GK5: variants seen among roughly 807,000 people sequenced by gnomAD.
The protein encoded by GK5 is ATP:glycerol 3-phosphotransferase 5.
GK5 carries 39 observed loss-of-function variants against 77.3 expected under a neutral mutation model. That is an observed-to-expected ratio of 0.50 (90% CI 0.39 to 0.66). The LOEUF (loss-of-function observed/expected upper bound fraction) is 0.66. Ranked by LOEUF, GK5 falls within the 30% of genes least tolerant of loss-of-function variation. GK5 has a pLI of 0.00. For missense variants in GK5, 487 were observed against 633.8 expected (o/e 0.77, Z 2.49); for synonymous variants, 211 against 208.0 (o/e 1.01, Z -0.13).
In GK5 at chr3:142,196,723, T is replaced by C. The variant is rs148429388; in HGVS notation, c.543+2079A>G. ...TTTAAATTTATTGAGGCTTGTAGTATGGCCTAGCCTATGATCTATCCTGGA... is the reference window on the plus strand; with the variant it reads ...TTTAAATTTATTGAGGCTTGTAGTACGGCCTAGCCTATGATCTATCCTGGA... On this transcript the variant is annotated intron_variant, in intron 5 of 15. Coordinates refer to ENST00000392993, the MANE Select transcript of GK5 (RefSeq NM_001039547.3). Among the ~76,000 whole-genome samples the C allele has an allele frequency of 6.5e-3, 993 of 152,312 alleles. 10 individuals carry two copies. Among genetic ancestry groups the C allele is most frequent in the African/African-American group, 0.023 (951 of 41,570 alleles).
At position 142,192,593 on chromosome 3, in the gene GK5, G is replaced by A. The variant is rs550441970; in HGVS notation, c.544-4814C>T. On this transcript the variant is annotated intron_variant, in intron 5 of 15. Transcript: ENST00000392993. ...AGCCTGGCCAACATGATGAAATCCC[G>A]TCTCTACTAAAAATACAAAAATTAA... Among the ~76,000 whole-genome samples the A allele has an allele frequency of 9.1e-4, 139 of 151,998 alleles. 1 individual carries two copies. Among genetic ancestry groups the A allele is most frequent in the Admixed American group, 7.9e-3 (121 of 15,224 alleles).
chr3:142,173,303 A>G, intron 12 of GK5: 1 of 346,830 alleles, frequency 2.9e-6, no homozygotes, highest in Non-Finnish European at 5.7e-6. Flanking sequence ...AAAGAGCCAA[A>G]ATGTTGAGCT....
At chr3:142,197,023 T>A (rs1261845256) in intron 5 of GK5, among the ~76,000 whole-genome samples, 1 of 151,872 alleles carries the variant, frequency 6.6e-6, no homozygotes, top group Non-Finnish European at 1.5e-5. Flanking sequence ...CCATCTCTAC[T>A]AAACATACAA....
chr3:142,201,749 T>G (rs956739652), intron 4 of GK5, among the ~76,000 whole-genome samples: 1 of 152,204 alleles, frequency 6.6e-6, no homozygotes, highest in Non-Finnish European at 1.5e-5. Flanking sequence ...TATACTATAG[T>G]TTTTCAAAAT....
intron 1 of GK5, among the ~76,000 whole-genome samples, chr3:142,223,268 T>C (rs1004627219): frequency 6.6e-6 from 1 of 152,216 alleles, no homozygotes; most frequent in African/African-American, 2.4e-5. Context: ...ATATTTCAAT[T>C]CCTTAAAAGA....
At chr3:142,186,746 T>G (rs572889503) in intron 6 of GK5, among the ~76,000 whole-genome samples, 1 of 151,216 alleles carries the variant, frequency 6.6e-6, no homozygotes, top group East Asian at 2.0e-4. Flanking sequence ...TTCTCCTGCC[T>G]CAGCCTCCCG....
At position 142,171,460 on chromosome 3, in the gene GK5, C is replaced by T. The variant is rs2063539109; in HGVS notation, c.1266G>A (p.Glu422=). 2 of 1,459,272 alleles carry T rather than the reference C, an allele frequency of 1.4e-6. No homozygotes were observed. Among genetic ancestry groups the T allele is most frequent in the African/African-American group, 2.8e-5 (2 of 70,396 alleles). The allele number at this position is 1,459,272 out of a possible 1,614,324, so 90.4% of individuals were successfully genotyped here. A position where few individuals can be genotyped will look rare whatever the true frequency, so the allele number is the denominator to read the frequency against. The change falls in exon 14 of 16, where the codon GAG becomes GAA. Residue 422 remains glutamate (E), a synonymous_variant. Transcript: ENST00000392993. Reference sequence around the variant, plus strand: ...GAATATGAATCTCTTTCTTCATCATCTCATATAACTGTTTGTTTCTAGTTA... The same window carrying T: ...GAATATGAATCTCTTTCTTCATCATTTCATATAACTGTTTGTTTCTAGTTA... ...SIAFRNKQLY[E]MMKKEIHIPV... is the part of the protein sequence containing the mutation.
Position 142,163,719 on chromosome 3 carries a change from G to C in GK5, c.*1903C>G, listed in dbSNP as rs943642893. On this transcript the variant is annotated 3_prime_UTR_variant, in exon 16 of 16. Transcript: ENST00000392993. ...CCTATGAAATTACACCCATTGGCTGGGTGCAGTGGTTCACGGCTGCAATCC... is the reference window on the plus strand; with the variant it reads ...CCTATGAAATTACACCCATTGGCTGCGTGCAGTGGTTCACGGCTGCAATCC... The C allele has an allele frequency of 6.6e-6, 1 of 152,062 alleles. No homozygotes were observed. Among genetic ancestry groups the C allele is most frequent in the Non-Finnish European group, 1.5e-5 (1 of 68,016 alleles). The allele number at this position is 152,062 out of a possible 1,614,324, so 9.4% of individuals were successfully genotyped here. A position where few individuals can be genotyped will look rare whatever the true frequency, so the allele number is the denominator to read the frequency against.
rs1318564368 is a variant in GK5 at position 142,187,844 on chromosome 3, C to T, written c.544-65G>A. The stretch of plus-strand genomic sequence containing the variant: ...AAATTACTAAGTGCATGATTAAATG[C>T]AGATCAGTGATACAATATAAACCCA... On this transcript the variant is annotated intron_variant, in intron 5 of 15. Transcript: ENST00000392993. 9 of 1,146,908 alleles carry T rather than the reference C, an allele frequency of 7.8e-6. No individual in the cohort carries two copies. In the African/African-American group the frequency reaches 1.2e-4, roughly 16 times the overall value. The allele number at this position is 1,146,908 out of a possible 1,614,324, so 71.0% of individuals were successfully genotyped here. A position where few individuals can be genotyped will look rare whatever the true frequency, so the allele number is the denominator to read the frequency against.
chr3:142,200,087 CTATA>C (rs746964293), intron 4 of GK5, among the ~76,000 whole-genome samples: 15 of 149,300 alleles, frequency 1.0e-4, no homozygotes, highest in Non-Finnish European at 1.6e-4. Flanking sequence ...TTCTTTATTT[CTATA>C]TATATATACA....
intron 5 of GK5, among the ~76,000 whole-genome samples, chr3:142,193,696 C>T (rs577829370): frequency 4.3e-4 from 65 of 152,128 alleles, no homozygotes; most frequent in Non-Finnish European, 2.2e-4. Flanking sequence ...CTTATTCATA[C>T]GTATTTTATT....
At chr3:142,173,289 C>A (rs2063564341) in intron 12 of GK5, 2 of 360,852 alleles carry the variant, frequency 5.5e-6, no homozygotes, top group African/African-American at 2.1e-5. Context: ...CTAACATGTT[C>A]TCAAAAGAGC....
chr3:142,169,669 CTTTTTTTTT>C (rs71304258), intron 15 of GK5, among the ~76,000 whole-genome samples: 1 of 116,932 alleles, frequency 8.6e-6, no homozygotes, highest in Non-Finnish European at 1.8e-5. Flanking sequence ...CCTTACTGTT[CTTTTTTTTT>C]TTTTTTTTTT....
At chr3:142,218,086 G>A (rs1177475459) in intron 1 of GK5, among the ~76,000 whole-genome samples, 2 of 152,058 alleles carry the variant, frequency 1.3e-5, no homozygotes. Flanking sequence ...CTGACACATA[G>A]ATCAATGGAA....
At chr3:142,183,825 CT>C (rs1020387372) in intron 9 of GK5, among the ~76,000 whole-genome samples, 2 of 151,988 alleles carry the variant, frequency 1.3e-5, no homozygotes, top group Non-Finnish European at 2.9e-5. Context: ...TCTCAAACTC[CT>C]GGCCTAAAGC....
intron 9 of GK5, among the ~76,000 whole-genome samples, chr3:142,184,311 CA>C (rs751717169): frequency 7.7e-6 from 1 of 129,138 alleles, no homozygotes; most frequent in Non-Finnish European, 1.7e-5. Context: ...AAATGATAAC[CA>C]AAAAAAAACT....
At chr3:142,201,615 A>C (rs1038855617) in intron 4 of GK5, among the ~76,000 whole-genome samples, 1 of 152,176 alleles carries the variant, frequency 6.6e-6, no homozygotes, top group African/African-American at 2.4e-5. Context: ...GATAGGAAAA[A>C]ATTGTATAGA....
In GK5 at chr3:142,225,435, G is replaced by T; in HGVS notation, c.21C>A (p.Asp7Glu). Residue 7 changes from aspartate (D) to glutamate (E), a missense_variant, in exon 1 of 16, where the codon GAC becomes GAA. By Grantham distance (45) the Asp-to-Glu change is conservative (BLOSUM62 2). Coordinates refer to ENST00000392993, the MANE Select transcript of GK5 (RefSeq NM_001039547.3). ...GCGGCTCCTGCGCTCTCTGCTCCGG[G>T]TCCGTGAGCAGCCCCGACATCCCGA... MSGLLT[D>E]PEQRAQEPRY... is the part of the protein sequence containing the mutation. The T allele has an allele frequency of 6.2e-7, 1 of 1,603,050 alleles. No homozygotes were observed. The highest frequency in any genetic ancestry group is 8.5e-7 in the Non-Finnish European group (1 of 1,177,776).
chr3:142,185,811 ATACTT>A, intron 9 of GK5, 113 bp downstream of exon 9: 2 of 1,548,182 alleles, frequency 1.3e-6, no homozygotes, highest in Non-Finnish European at 1.7e-6. Flanking sequence ...AGAAAAAAAA[ATACTT>A]TAATCTTACT....
Sources: gnomAD v4.1 joint callset for allele counts (sites outside exome capture counted in the v4.1 genomes callset) on GRCh38, gnomAD v4.1.1 for gene constraint, MANE v1.5 for transcripts, NCBI Gene and HGNC (gene_info 2026-07-23, HGNC 2026-07-21) for gene names.